PTPN4: variants seen among roughly 807,000 people sequenced by gnomAD.
PTPN4 encodes the protein tyrosine-protein phosphatase non-receptor type 4.
PTPN4 carries 49 observed loss-of-function variants against 135.5 expected under a neutral mutation model. That is an observed-to-expected ratio of 0.36 (90% CI 0.29 to 0.46). The LOEUF is 0.46. Ranked by LOEUF, PTPN4 falls within the 20% of genes least tolerant of loss-of-function variation. The pLI is 1.00. For synonymous variants in PTPN4, 333 were observed against 369.9 expected (o/e 0.90, Z 1.14); for missense variants, 860 against 1,101.0 (o/e 0.78, Z 3.10).
In PTPN4 at chr2:119,934,761, A is replaced by G. The variant is rs762824522; in HGVS notation, c.1197-39A>G. The G allele has an allele frequency of 3.1e-6, 5 of 1,591,996 alleles. No homozygotes were observed. In the Admixed American group the frequency reaches 8.6e-5, roughly 27 times the overall value. On this transcript the variant is annotated intron_variant, in intron 14 of 26. Coordinates refer to ENST00000263708, the MANE Select transcript of PTPN4 (RefSeq NM_002830.4). ...TAAGAAACTTGGAAATTTTGAATTG[A>G]AGCATATTTTTATTCAGTTTTTCTC...
chr2:119,848,972 T>C (rs1175480173), intron 2 of PTPN4, among the ~76,000 whole-genome samples: 2 of 152,206 alleles, frequency 1.3e-5, no homozygotes, highest in Non-Finnish European at 2.9e-5. Context: ...CTGATTATCT[T>C]TTTTCAGTTC....
chr2:119,770,134 T>G (rs369811763), intron 1 of PTPN4, among the ~76,000 whole-genome samples: 9 of 152,208 alleles, frequency 5.9e-5, no homozygotes, highest in African/African-American at 1.9e-4. Flanking sequence ...CTAGGCACTG[T>G]GCTTGGCTGT....
intron 10 of PTPN4, among the ~76,000 whole-genome samples, chr2:119,910,780 C>T (rs907224642): frequency 4.6e-5 from 7 of 152,134 alleles, no homozygotes; most frequent in Non-Finnish European, 1.5e-5. Flanking sequence ...TTGCCTTCTG[C>T]TGTGACTGTA....
intron 15 of PTPN4, among the ~76,000 whole-genome samples, chr2:119,941,742 A>C (rs1180095353): frequency 6.6e-6 from 1 of 152,168 alleles, no homozygotes; most frequent in East Asian, 1.9e-4. Context: ...TTTTCCTTAT[A>C]ATTTGGCTTA....
chr2:119,783,256 G>A (rs1375665701), intron 1 of PTPN4, among the ~76,000 whole-genome samples: 1 of 152,178 alleles, frequency 6.6e-6, no homozygotes, highest in African/African-American at 2.4e-5. Context: ...GGTATGCTAA[G>A]TAAAACAACA....
intron 5 of PTPN4, chr2:119,879,945 A>G (rs1291292791): frequency 2.7e-5 from 4 of 148,890 alleles, no homozygotes; most frequent in Non-Finnish European, 4.4e-5. Context: ...ATACTAAATT[A>G]ATTTTTAAAA....
At chr2:119,943,949 T>G (rs1243700030) in intron 15 of PTPN4, among the ~76,000 whole-genome samples, 1 of 152,152 alleles carries the variant, frequency 6.6e-6, no homozygotes, top group Non-Finnish European at 1.5e-5. Flanking sequence ...TCTACCCACA[T>G]GTCATTGGCC....
At chr2:119,781,660 A>G (rs140138686) in intron 1 of PTPN4, among the ~76,000 whole-genome samples, 2 of 152,292 alleles carry the variant, frequency 1.3e-5, no homozygotes, top group East Asian at 1.9e-4. Flanking sequence ...ATGCTTTTTA[A>G]GTTTTTAAGT....
At chr2:119,770,402 T>C (rs895879418) in intron 1 of PTPN4, among the ~76,000 whole-genome samples, 6 of 152,342 alleles carry the variant, frequency 3.9e-5, no homozygotes, top group African/African-American at 1.4e-4. Flanking sequence ...TATGGCTACA[T>C]GGTTCAAGTT....
intron 1 of PTPN4, among the ~76,000 whole-genome samples, chr2:119,773,862 A>G (rs1357347668): frequency 6.6e-6 from 1 of 152,220 alleles, no homozygotes; most frequent in Non-Finnish European, 1.5e-5. Flanking sequence ...AAATGTTAAA[A>G]TTTAACGAAA....
intron 15 of PTPN4, among the ~76,000 whole-genome samples, chr2:119,938,120 G>T (rs992827817): frequency 5.7e-5 from 8 of 139,960 alleles, no homozygotes; most frequent in African/African-American, 7.8e-5. Flanking sequence ...TTAAATGTGG[G>T]ATAATTTTTT....
intron 25 of PTPN4, among the ~76,000 whole-genome samples, chr2:119,966,073 G>A (rs1679440992): frequency 6.6e-6 from 1 of 152,218 alleles, no homozygotes. Context: ...AGGTTCTCAT[G>A]AGGGTCTAAT....
intron 2 of PTPN4, among the ~76,000 whole-genome samples, chr2:119,858,536 C>T (rs542866387): frequency 1.3e-5 from 2 of 152,262 alleles, no homozygotes; most frequent in Admixed American, 6.5e-5. Flanking sequence ...AGAAACTCTT[C>T]CTCATCTCTT....
chr2:119,861,255 C>T (rs1677756089), intron 2 of PTPN4, among the ~76,000 whole-genome samples: 1 of 152,032 alleles, frequency 6.6e-6, no homozygotes, highest in Non-Finnish European at 1.5e-5. Flanking sequence ...AGTGAGAACT[C>T]ACTCGCTCCC....
At chr2:119,831,203 C>G (rs895761745) in intron 2 of PTPN4, among the ~76,000 whole-genome samples, 7 of 152,172 alleles carry the variant, frequency 4.6e-5, no homozygotes, top group Admixed American at 4.6e-4. Context: ...AATGCTATCA[C>G]TGATTTGAGG....
chr2:119,781,385 A>G (rs1690935712), intron 1 of PTPN4, among the ~76,000 whole-genome samples: 1 of 152,222 alleles, frequency 6.6e-6, no homozygotes, highest in Non-Finnish European at 1.5e-5. Flanking sequence ...ACCATCTCTG[A>G]TGCCATATCT....
chr2:119,846,204 T>G (rs1677496722), intron 2 of PTPN4, among the ~76,000 whole-genome samples: 1 of 152,172 alleles, frequency 6.6e-6, no homozygotes. Context: ...GTCAGTCAGG[T>G]CTCGTTAGTT....
At chr2:119,876,086 A>G (rs1482271741) in intron 3 of PTPN4, among the ~76,000 whole-genome samples, 1 of 152,166 alleles carries the variant, frequency 6.6e-6, no homozygotes, top group East Asian at 1.9e-4. Context: ...TTATGATGGC[A>G]TCTTTCAGAA....
At chr2:119,879,974 A>G (rs1678046626) in intron 5 of PTPN4, 1 of 137,484 alleles carries the variant, frequency 7.3e-6, no homozygotes, top group African/African-American at 2.7e-5. Context: ...TAACTAATGA[A>G]TTAGTTTAGT....
Sources: gnomAD v4.1 joint callset for allele counts (sites outside exome capture counted in the v4.1 genomes callset) on GRCh38, gnomAD v4.1.1 for gene constraint, MANE v1.5 for transcripts, NCBI Gene and HGNC (gene_info 2026-07-23, HGNC 2026-07-21) for gene names.